The following ATP13A1 variants were observed in gnomAD, a reference collection of about 807,000 sequenced individuals.
ATP13A1 encodes the protein ATPase 13A1.
A neutral mutation model predicts 134.8 loss-of-function variants in ATP13A1; 55 were observed. The observed-to-expected ratio is 0.41, with a 90% CI of 0.33 to 0.51. The LOEUF (loss-of-function observed/expected upper bound fraction) is 0.51. Ranked by LOEUF, ATP13A1 falls within the 20% of genes least tolerant of loss-of-function variation. The pLI is 0.29. For missense variants in ATP13A1, 1,389 were observed against 1,652.8 expected, an observed-to-expected ratio of 0.84 and a Z score of 2.77; for synonymous variants, 775 against 725.1, an observed-to-expected ratio of 1.07 and a Z score of -1.10.
chr19:19,659,994 G>A lies in ATP13A1; in HGVS notation c.397-7C>T, dbSNP rs763689268. On this transcript the variant is annotated splice_polypyrimidine_tract_variant and splice_region_variant and intron_variant, in intron 1 of 25. Transcript: ENST00000357324. ...CTTTGCTGGGGTCGTACTCCTGACA[G>A]AGACAAAGAAAGCATTGTGGCTTAG... is the stretch of plus-strand genomic sequence containing the variant. 11 of 1,558,156 alleles carry A rather than the reference G, an allele frequency of 7.1e-6. No individual in the cohort carries two copies. The African/African-American group carries it at 1.2e-4, about 17-fold the overall frequency.
intron 1 of ATP13A1, chr19:19,662,368 G>A (rs1395762253): frequency 1.0e-6 from 1 of 985,230 alleles, no homozygotes; most frequent in Non-Finnish European, 1.2e-6. Context: ...GCCAGGGTGG[G>A]GGGCTTCTGT....
rs765854792 is a variant in ATP13A1, at chr19:19,651,755, C to T, written c.2269G>A (p.Val757Met). 9 of 1,613,158 alleles carry T rather than the reference C, an allele frequency of 5.6e-6. No homozygotes were observed. The highest frequency in any genetic ancestry group is 4.4e-5 in the South Asian group (4 of 91,018). ...TGDNPLTACH[V>M]AQELHFIEKA... ...TCAATGAAGTGCAGCTCCTGGGCCACGTGGCATGCAGTGAGCGGGTTGTCT... is the reference window on the plus strand; with the variant it reads ...TCAATGAAGTGCAGCTCCTGGGCCATGTGGCATGCAGTGAGCGGGTTGTCT... The change falls in exon 17 of 26, where the codon GTG becomes ATG. Residue 757 changes from valine to methionine, a missense_variant. By Grantham distance (21) the Val-to-Met change is conservative (BLOSUM62 1). This residue lies in a region of ATP13A1 where 747 missense variants were observed against 956.1 expected (regional missense o/e 0.78). Coordinates refer to ENST00000357324, the MANE Select transcript of ATP13A1 (RefSeq NM_020410.3).
In ATP13A1 at chr19:19,649,747, C is replaced by T. The variant is rs1284587805; in HGVS notation, c.2529G>A (p.Lys843=). The T allele has an allele frequency of 3.7e-6, 6 of 1,602,616 alleles. No individual in the cohort carries two copies. In the South Asian group the frequency reaches 5.5e-5, roughly 15 times the overall value. Residue 843 remains lysine, a synonymous_variant, in exon 18 of 26, where the codon AAG becomes AAA. Coordinates refer to ENST00000357324, the MANE Select transcript of ATP13A1 (RefSeq NM_020410.3). ...CCTAGGGCTGTGCACATACCTTCTG[C>T]TTGGGAGCCACACGGGCGAACACCT... ...HVQVFARVAP[K]QKEFVITSLK...
Position 19,646,317 on chromosome 19 carries a change from G to A in ATP13A1, c.3136C>T (p.Leu1046=), listed in dbSNP as rs905217533. Residue 1046 remains leucine, a synonymous_variant, in exon 23 of 26, where the codon CTG becomes TTG. Transcript: ENST00000357324. The stretch of plus-strand genomic sequence containing the variant: ...GTGTACAGGTTGAAGATGTTGGGCA[G>A]GGGCCGTTCTCGGGAGAGGGTCTTG... ...PLKTLSRERP[L]PNIFNLYTIL... 8.1e-6 allele frequency: 13 copies of A among 1,613,952 alleles called. No homozygotes were observed. The highest frequency in any genetic ancestry group is 1.1e-5 in the Non-Finnish European group (13 of 1,179,842).
intron 15 of ATP13A1, 150 bp from the exon 16 acceptor site, chr19:19,652,870 A>G (rs946284643): frequency 8.6e-7 from 1 of 1,158,154 alleles, no homozygotes; most frequent in Non-Finnish European, 1.2e-6. Context: ...GAGGGGAGAA[A>G]TGCCAGGAGG....
Position 19,653,552 on chromosome 19 carries a change from A to G in ATP13A1, c.2100+232T>C, listed in dbSNP as rs1184823191. 6.6e-6 allele frequency among the ~76,000 whole-genome samples: 1 copy of G among 152,154 alleles called. No individual in the cohort carries two copies. On this transcript the variant is annotated intron_variant, in intron 15 of 25. Coordinates refer to ENST00000357324, the MANE Select transcript of ATP13A1 (RefSeq NM_020410.3). The surrounding 1 kb of genome is among the most constrained non-coding windows in gnomAD (Gnocchi z 4.2). ...AGAGTAGAGCTAGGGACACACCAGG[A>G]CTGGGGCAGGTAAGCCCTGCGTGTG...
At position 19,656,592 on chromosome 19, in the gene ATP13A1, C is replaced by G. The variant is rs1331074699; in HGVS notation, c.1083+68G>C. ...TGCCTGAGGGGGATCCCCGCCACCC[C>G]CTGGGCCTCCACCTCCTGGCCTGTT... On this transcript the variant is annotated intron_variant, in intron 7 of 25. Coordinates refer to ENST00000357324, the MANE Select transcript of ATP13A1 (RefSeq NM_020410.3). This position sits in a 1 kb window ranked among gnomAD's most constrained non-coding sequence, Gnocchi z 4.6. 4.0e-6 allele frequency: 6 copies of G among 1,511,352 alleles called. No homozygotes were observed. Among genetic ancestry groups the G allele is most frequent in the African/African-American group, 1.4e-5 (1 of 72,470 alleles). The allele number at this position is 1,511,352 out of a possible 1,614,324, so 93.6% of individuals were successfully genotyped here. A position where few individuals can be genotyped will look rare whatever the true frequency, so the allele number is the denominator to read the frequency against.
intron 22 of ATP13A1, 44 bp from the exon 23 acceptor site, chr19:19,646,391 TG>T (rs754366226): frequency 6.2e-7 from 1 of 1,611,000 alleles, no homozygotes; most frequent in South Asian, 1.1e-5. Context: ...CTGGCTCACT[TG>T]GGGCCACCCT....
intron 15 of ATP13A1, 87 bp from the exon 16 acceptor site, chr19:19,652,807 C>T: frequency 6.8e-7 from 1 of 1,472,256 alleles, no homozygotes. Context: ...GCGCTGGGAG[C>T]CAAGGGGACA....
chr19:19,650,273 G>A (rs549815081), intron 17 of ATP13A1: 23 of 396,974 alleles, frequency 5.8e-5, no homozygotes, highest in African/African-American at 3.5e-4. Flanking sequence ...GGGCTATTGC[G>A]CTCTCCTTGG....
At chr19:19,663,113 T>C (rs2062104908) in intron 1 of ATP13A1, 158 bp downstream of exon 1, 2 of 1,089,680 alleles carry the variant, frequency 1.8e-6, no homozygotes, top group Non-Finnish European at 1.4e-6. Flanking sequence ...AGTGGGGTCA[T>C]GATTAAGCCT....
rs1296055423 is a variant in ATP13A1 at position 19,655,392 on chromosome 19, G to A, written c.1458C>T (p.Thr486=). ...TGGGCAGCTCAGGAGGCACGACCGA[G>A]GTGAGGATCAGGGTGCACTCCAGAA... ...KLFLECTLIL[T]SVVPPELPIE... Residue 486 remains threonine, a synonymous_variant, in exon 11 of 26, where the codon ACC becomes ACT. Coordinates refer to ENST00000357324, the MANE Select transcript of ATP13A1 (RefSeq NM_020410.3). The surrounding 1 kb of genome is among the most constrained non-coding windows in gnomAD (Gnocchi z 5.7). 1 of 1,614,026 alleles carries A rather than the reference G, an allele frequency of 6.2e-7. No homozygotes were observed. Among genetic ancestry groups the A allele is most frequent in the Admixed American group, 1.7e-5 (1 of 60,024 alleles).
In ATP13A1 at chr19:19,653,684, C is replaced by T; in HGVS notation, c.2100+100G>A. On this transcript the variant is annotated intron_variant, in intron 15 of 25. Coordinates refer to ENST00000357324, the MANE Select transcript of ATP13A1 (RefSeq NM_020410.3). The surrounding 1 kb of genome is among the most constrained non-coding windows in gnomAD (Gnocchi z 4.2). ...GGAGGCGGGGCAAGGAGGACAAAAT[C>T]ACAACCATTCAACCTGGCACTGTGG... 8.8e-7 allele frequency: 1 copy of T among 1,138,198 alleles called. No homozygotes were observed. Among genetic ancestry groups the T allele is most frequent in the Non-Finnish European group, 1.2e-6 (1 of 808,646 alleles). 70.5% of individuals were successfully genotyped at this position (1,138,198 alleles called of 1,614,324 possible).
At chr19:19,657,429 T>A in intron 3 of ATP13A1, 21 bp from the exon 4 acceptor site, 1 of 1,556,660 alleles carries the variant, frequency 6.4e-7, no homozygotes, top group African/African-American at 1.4e-5. Context: ...CCAGGCCCCA[T>A]CCTGTTCCCA....
At position 19,656,161 on chromosome 19, in the gene ATP13A1, G is replaced by C. The variant is rs765516750; in HGVS notation, c.1106C>G (p.Pro369Arg). Residue 369 changes from proline (P) to arginine (R), a missense_variant, in exon 8 of 26, where the codon CCA becomes CGA. Physicochemically the swap from Pro to Arg is moderately radical, Grantham distance 103. This residue lies in a region of ATP13A1 where 747 missense variants were observed against 956.1 expected (regional missense o/e 0.78). Coordinates refer to ENST00000357324, the MANE Select transcript of ATP13A1 (RefSeq NM_020410.3). The surrounding 1 kb of genome is among the most constrained non-coding windows in gnomAD (Gnocchi z 4.6). ...QMKEPIEDLS[P>R]DRVLDLQADS... is the part of the protein sequence containing the mutation. ...AGCCTGGAGGTCCAGCACCCGGTCT[G>C]GGCTGAGGTCTTCGATGGGCTCCTG... 1 of 1,611,742 alleles carries C rather than the reference G, an allele frequency of 6.2e-7. No individual in the cohort carries two copies. The highest frequency in any genetic ancestry group is 8.5e-7 in the Non-Finnish European group (1 of 1,178,490).
chr19:19,646,264 A>C lies in ATP13A1; in HGVS notation c.3189T>G (p.Phe1063Leu), dbSNP rs74497425. 16,296 of 1,613,944 alleles carry C rather than the reference A, an allele frequency of 0.01. 104 individuals are homozygous for C. Among genetic ancestry groups the C allele is most frequent in the Non-Finnish European group, 0.013 (14,912 of 1,179,852 alleles). ...YTILTVMLQF[F>L]VHFLSLVYLY... ...GGTAGACAAGGCTCAGGAAGTGCAC[A>C]AAGAACTGGAGCATGACGGTGAGGA... The change falls in exon 23 of 26, where the codon TTT becomes TTG. Residue 1063 changes from phenylalanine to leucine, a missense_variant. Transcript: ENST00000357324.
chr19:19,657,469 A>T, intron 3 of ATP13A1, 61 bp from the exon 4 acceptor site: 1 of 1,481,006 alleles, frequency 6.8e-7, no homozygotes, highest in South Asian at 1.3e-5. Context: ...TGGAGTCTCC[A>T]CCCTGACCCC....
intron 3 of ATP13A1, 39 bp downstream of exon 3, chr19:19,659,562 C>T (rs2062081398): frequency 1.3e-6 from 2 of 1,582,390 alleles, no homozygotes; most frequent in Admixed American, 1.7e-5. Flanking sequence ...GGGAGCAGGA[C>T]AGAAAGGCAA....
intron 13 of ATP13A1, among the ~76,000 whole-genome samples, 182 bp downstream of exon 13, chr19:19,654,361 A>G (rs2062043677): frequency 6.6e-6 from 1 of 152,142 alleles, no homozygotes; most frequent in South Asian, 2.1e-4. Flanking sequence ...TCCAACCCAG[A>G]GGGACACCCA....
Sources: gnomAD v4.1 joint callset for allele counts (sites outside exome capture counted in the v4.1 genomes callset) on GRCh38, gnomAD v4.1.1 for gene constraint, gnomAD v4.1.1 regional missense constraint, Gnocchi (gnomAD v3.1) non-coding constraint, MANE v1.5 for transcripts, NCBI Gene and HGNC (gene_info 2026-07-23, HGNC 2026-07-21) for gene names.